The following MLLT10 variants were observed in gnomAD, a reference collection of about 807,000 sequenced individuals.
The protein encoded by MLLT10 is MLLT10 histone lysine methyltransferase DOT1L cofactor, also known as protein AF-10.
A neutral mutation model predicts 129.1 loss-of-function variants in MLLT10; 30 were observed. The observed-to-expected ratio is 0.23, with a 90% CI of 0.17 to 0.32. The LOEUF (loss-of-function observed/expected upper bound fraction) is 0.32, where lower values mean the gene tolerates loss of function less well. Ranked by LOEUF, MLLT10 falls within the 10% of genes least tolerant of loss-of-function variation. The probability of loss-of-function intolerance (pLI) is 1.00; values close to 1 mark genes in which losing one functional copy is unlikely to be tolerated. For missense variants in MLLT10, 1,119 were observed against 1,268.3 expected, an observed-to-expected ratio of 0.88 and a Z score of 1.79; for synonymous variants, 490 against 446.4, an observed-to-expected ratio of 1.10 and a Z score of -1.23.
chr10:21,625,048 T>C, intron 8 of MLLT10: 1 of 877,384 alleles, frequency 1.1e-6, no homozygotes, highest in Admixed American at 2.1e-5. Flanking sequence ...ACCTCCTTGA[T>C]AGATGTGGTA....
chr10:21,705,561 T>A (rs1176123776), intron 13 of MLLT10, among the ~76,000 whole-genome samples: 2 of 152,130 alleles, frequency 1.3e-5, no homozygotes, highest in Non-Finnish European at 2.9e-5. Context: ...CCCAGGGCCA[T>A]GTTAGTGGAG....
Position 21,651,747 on chromosome 10 carries a change from C to G in MLLT10, c.774C>G (p.Ser258=), listed in dbSNP as rs2049050039. The stretch of plus-strand genomic sequence containing the variant: ...AACCATCACCTGCATTGGTTCCATC[C>G]TTGACTGTTACTACAGAAAAAGTAA... ...QPEPSPALVP[S]LTVTTEKTYT... The change falls in exon 9 of 23, where the codon TCC becomes TCG. Residue 258 remains serine, a synonymous_variant. Coordinates refer to ENST00000307729, the MANE Select transcript of MLLT10 (RefSeq NM_001195626.3). 1.2e-6 allele frequency: 2 copies of G among 1,611,792 alleles called. No individual in the cohort carries two copies. Among genetic ancestry groups the G allele is most frequent in the Non-Finnish European group, 1.7e-6 (2 of 1,178,562 alleles).
chr10:21,598,156 G>A (rs1323750852), intron 5 of MLLT10, among the ~76,000 whole-genome samples: 2 of 152,158 alleles, frequency 1.3e-5, no homozygotes, highest in Admixed American at 1.3e-4. Flanking sequence ...TCCACTGTAA[G>A]GTGAAGCTTT....
chr10:21,614,785 CTG>C, intron 6 of MLLT10, 44 bp from the exon 7 acceptor site: 1 of 1,472,024 alleles, frequency 6.8e-7, no homozygotes, highest in African/African-American at 1.4e-5. Flanking sequence ...TATACAGGTA[CTG>C]TGATTTTAGT....
intron 9 of MLLT10, among the ~76,000 whole-genome samples, chr10:21,658,358 A>G (rs556937626): frequency 1.2e-4 from 18 of 152,340 alleles, no homozygotes; most frequent in Admixed American, 2.6e-4. Flanking sequence ...AAATGGAAAC[A>G]TATAGTATGT....
In MLLT10 at chr10:21,603,012, G is replaced by A. The variant is rs1425242579; in HGVS notation, c.405+7572G>A. On this transcript the variant is annotated intron_variant, in intron 5 of 22. Coordinates refer to ENST00000307729, the MANE Select transcript of MLLT10 (RefSeq NM_001195626.3). ...CTCCCAAAGTGCTGGGATTACAGGC[G>A]TGAGCCACTGCGCCCGGCCTATCTT... 1.3e-4 allele frequency among the ~76,000 whole-genome samples: 20 copies of A among 151,812 alleles called. 1 individual carries two copies. The highest frequency in any genetic ancestry group is 1.2e-3 in the Admixed American group (19 of 15,238).
intron 3 of MLLT10, among the ~76,000 whole-genome samples, chr10:21,548,142 G>C (rs1176190328): frequency 2.6e-5 from 4 of 151,898 alleles, no homozygotes; most frequent in Non-Finnish European, 2.9e-5. Flanking sequence ...TTTGTCTTCT[G>C]GTGTCTGTTG....
chr10:21,641,529 G>T (rs2048003484), intron 8 of MLLT10, among the ~76,000 whole-genome samples: 1 of 152,142 alleles, frequency 6.6e-6, no homozygotes, highest in Admixed American at 6.5e-5. Flanking sequence ...TGTGGTGCGT[G>T]CCTATAGTCA....
chr10:21,646,301 A>G (rs2048468506), intron 8 of MLLT10, among the ~76,000 whole-genome samples: 1 of 152,218 alleles, frequency 6.6e-6, no homozygotes, highest in African/African-American at 2.4e-5. Flanking sequence ...AACCCAGTTT[A>G]ACATTTAGGT....
At chr10:21,556,604 G>T (rs1033506955) in intron 3 of MLLT10, 7 of 1,523,630 alleles carry the variant, frequency 4.6e-6, no homozygotes, top group Non-Finnish European at 6.3e-6. Flanking sequence ...TTACGCGTTA[G>T]TATGTAGTGA....
intron 5 of MLLT10, among the ~76,000 whole-genome samples, chr10:21,602,995 G>A (rs555291031): frequency 1.3e-5 from 2 of 152,060 alleles, no homozygotes; most frequent in East Asian, 3.9e-4. Context: ...GCCTCCCAAA[G>A]TGCTGGGATT....
chr10:21,660,615 C>CAA (rs55685640), intron 9 of MLLT10, among the ~76,000 whole-genome samples: 63 of 41,726 alleles, frequency 1.5e-3, no homozygotes, highest in Non-Finnish European at 2.1e-3. Flanking sequence ...GACTCCATCT[C>CAA]AAAAAAAAAA....
chr10:21,595,827 C>T (rs190360789), intron 5 of MLLT10, among the ~76,000 whole-genome samples: 1 of 151,928 alleles, frequency 6.6e-6, no homozygotes, highest in Admixed American at 6.6e-5. Context: ...TTTTGAAGAA[C>T]AGTCCTATAT....
At chr10:21,681,238 T>C (rs1402306813) in intron 11 of MLLT10, 94 bp from the exon 12 acceptor site, 1 of 1,519,610 alleles carries the variant, frequency 6.6e-7, no homozygotes. Flanking sequence ...CACTTTTAGG[T>C]GAATTTCCCT....
chr10:21,631,648 A>G (rs944320762), intron 8 of MLLT10, among the ~76,000 whole-genome samples: 11 of 152,156 alleles, frequency 7.2e-5, no homozygotes, highest in Non-Finnish European at 1.2e-4. Flanking sequence ...CATCTTTACC[A>G]TGGTGGAGCA....
intron 3 of MLLT10, among the ~76,000 whole-genome samples, chr10:21,578,003 C>G (rs1318175048): frequency 2.0e-5 from 3 of 152,068 alleles, no homozygotes; most frequent in Admixed American, 2.0e-4. Context: ...TCAAGCGATT[C>G]TCGTGCCTCA....
intron 8 of MLLT10, among the ~76,000 whole-genome samples, chr10:21,629,121 A>AT (rs2046766995): frequency 6.7e-6 from 1 of 150,084 alleles, no homozygotes; most frequent in Non-Finnish European, 1.5e-5. Context: ...TGCTGCATGA[A>AT]TTTTTTCTTA....
At chr10:21,734,505 G>A (rs1039517643) in intron 20 of MLLT10, among the ~76,000 whole-genome samples, 63 of 152,132 alleles carry the variant, frequency 4.1e-4, no homozygotes, top group Non-Finnish European at 4.9e-4. Flanking sequence ...TCTAATCAAA[G>A]ATTTTGATAT....
At chr10:21,641,797 A>C (rs1035358959) in intron 8 of MLLT10, among the ~76,000 whole-genome samples, 10 of 152,240 alleles carry the variant, frequency 6.6e-5, no homozygotes, top group African/African-American at 2.4e-4. Context: ...AAGTGATGGA[A>C]TACTCAAATC....
Sources: allele counts gnomAD v4.1 joint callset (sites outside exome capture counted in the v4.1 genomes callset), GRCh38; gene constraint gnomAD v4.1.1; transcripts MANE v1.5; gene names NCBI Gene and HGNC (gene_info 2026-07-23, HGNC 2026-07-21).